Variants in ROBO2 observed in about 807,000 individuals in gnomAD.
The protein encoded by ROBO2 is roundabout guidance receptor 2.
A neutral mutation model predicts 160.8 loss-of-function variants in ROBO2; 53 were observed. The ratio of observed to expected loss-of-function variants is 0.33; its 90% confidence interval spans 0.26 to 0.41. The LOEUF is 0.41. Among genes scored for constraint, ROBO2 ranks in the 10% least tolerant of loss-of-function variants. The pLI, the probability that ROBO2 is intolerant of heterozygous loss-of-function variation, is 1.00. For missense variants in ROBO2, 1,577 were observed against 1,722.4 expected (o/e 0.92, Z 1.49); for synonymous variants, 664 against 611.7 (o/e 1.09, Z -1.26).
chr3:77,160,903 A>C (rs1008239039), intron 2 of ROBO2, among the ~76,000 whole-genome samples: 1 of 152,132 alleles, frequency 6.6e-6, no homozygotes, highest in African/African-American at 2.4e-5. Flanking sequence ...TTGCATTGTG[A>C]GTTTGTTCTC....
At chr3:77,171,315 G>A (rs1474820880) in intron 2 of ROBO2, among the ~76,000 whole-genome samples, 1 of 152,162 alleles carries the variant, frequency 6.6e-6, no homozygotes, top group East Asian at 1.9e-4. Context: ...ACAGGGCCAA[G>A]GCACATTAGC....
At chr3:76,319,618 ATCTCAATT>A (rs3040251) in intron 2 of ROBO2, among the ~76,000 whole-genome samples, 149,056 of 151,936 alleles carry the variant, frequency 0.98, 73,167 homozygotes, top group Middle Eastern at 1. Context: ...TCAAACCAAA[ATCTCAATT>A]TCTCAATTTA....
intron 2 of ROBO2, among the ~76,000 whole-genome samples, chr3:76,681,847 T>G (rs72888371): frequency 0.024 from 3,590 of 152,106 alleles, 142 homozygotes; most frequent in African/African-American, 0.076. Context: ...TACAAGGAGA[T>G]GTTAGAGAGA....
At chr3:76,414,154 CT>C (rs63043360) in intron 2 of ROBO2, among the ~76,000 whole-genome samples, 13,033 of 152,188 alleles carry the variant, frequency 0.086, 993 homozygotes, top group African/African-American at 0.21. Flanking sequence ...TTACCTCCCC[CT>C]GGTCCCTCTC....
intron 2 of ROBO2, among the ~76,000 whole-genome samples, chr3:76,223,460 TGA>T (rs1448093079): frequency 1.3e-5 from 2 of 151,950 alleles, no homozygotes; most frequent in East Asian, 3.9e-4. Flanking sequence ...CCACAACCAC[TGA>T]GAGTAGGGAG....
chr3:75,966,579 A>G (rs908187947), intron 2 of ROBO2, among the ~76,000 whole-genome samples: 34 of 151,766 alleles, frequency 2.2e-4, no homozygotes, highest in African/African-American at 8.0e-4. Context: ...ATATGGCATG[A>G]GTGACGTCAA....
intron 2 of ROBO2, among the ~76,000 whole-genome samples, chr3:76,615,880 G>A (rs1253689050): frequency 1.3e-5 from 2 of 152,224 alleles, no homozygotes; most frequent in Admixed American, 1.3e-4. Context: ...ATTTTGGGAT[G>A]AGGAGTCAGA....
chr3:76,931,733 G>A (rs1170476154), intron 2 of ROBO2, among the ~76,000 whole-genome samples: 1 of 151,972 alleles, frequency 6.6e-6, no homozygotes, highest in Admixed American at 6.6e-5. Context: ...TCAAGCTGGA[G>A]TGCAGTGGCA....
chr3:76,965,925 T>C (rs1046828397), intron 2 of ROBO2, among the ~76,000 whole-genome samples: 6 of 144,678 alleles, frequency 4.1e-5, no homozygotes, highest in African/African-American at 7.5e-5. Flanking sequence ...TATTTTCTTT[T>C]TTTTTTTTTT....
At chr3:76,940,172 C>A (rs572165857) in intron 2 of ROBO2, among the ~76,000 whole-genome samples, 1 of 151,892 alleles carries the variant, frequency 6.6e-6, no homozygotes, top group East Asian at 1.9e-4. Flanking sequence ...TTAGTAGAGA[C>A]GGGGTTTCAC....
At chr3:76,869,342 GTTTTTTTTT>G (rs34051755) in intron 2 of ROBO2, among the ~76,000 whole-genome samples, 1 of 71,356 alleles carries the variant, frequency 1.4e-5, no homozygotes, top group South Asian at 6.3e-4. Flanking sequence ...AGAAATTGAT[GTTTTTTTTT>G]TTTTTTTTTT....
In ROBO2 at chr3:77,024,361, C is replaced by T. The variant is rs114877855; in HGVS notation, c.110-73653C>T. Among the ~76,000 whole-genome samples, 948 of 152,174 alleles carry T rather than the reference C, an allele frequency of 6.2e-3. 8 individuals carry two copies. Among genetic ancestry groups the T allele is most frequent in the African/African-American group, 0.02 (826 of 41,516 alleles). ...CTGAATATTAGTTTCAATGCAGAAACGAGTCTAACACTGAGCTAACCTGTG... is the reference window on the plus strand; with the variant it reads ...CTGAATATTAGTTTCAATGCAGAAATGAGTCTAACACTGAGCTAACCTGTG... On this transcript the variant is annotated intron_variant, in intron 2 of 26. Coordinates refer to the ROBO2 transcript ENST00000487694.
chr3:76,903,215 T>G (rs1292358365), intron 2 of ROBO2, among the ~76,000 whole-genome samples: 1 of 152,172 alleles, frequency 6.6e-6, no homozygotes, highest in Non-Finnish European at 1.5e-5. Context: ...ACTTTTTGCA[T>G]CTTTATCAAA....
intron 6 of ROBO2, 23 bp downstream of exon 7, chr3:77,527,437 AC>A (rs1479450814): frequency 7.8e-7 from 1 of 1,284,688 alleles, no homozygotes; most frequent in Non-Finnish European, 1.0e-6. Context: ...CCTTCTATCC[AC>A]TAAGCATGGC....
chr3:76,224,107 A>G (rs1387986679), intron 2 of ROBO2, among the ~76,000 whole-genome samples: 1 of 152,194 alleles, frequency 6.6e-6, no homozygotes, highest in African/African-American at 2.4e-5. Flanking sequence ...CTCTTATTAC[A>G]TATCTACATA....
chr3:77,534,104 G>C (rs1455603838), intron 6 of ROBO2, among the ~76,000 whole-genome samples: 1 of 152,076 alleles, frequency 6.6e-6, no homozygotes, highest in Admixed American at 6.5e-5. Context: ...TGTCCAGTGT[G>C]CATCCTCAGC....
chr3:77,548,267 CT>C (rs2092780708), intron 7 of ROBO2, among the ~76,000 whole-genome samples: 1 of 151,984 alleles, frequency 6.6e-6, no homozygotes, highest in African/African-American at 2.4e-5. Context: ...TTTTCTTAAT[CT>C]AAAATACAGA....
intron 2 of ROBO2, among the ~76,000 whole-genome samples, chr3:76,585,088 C>A (rs1050848248): frequency 6.6e-6 from 1 of 152,166 alleles, no homozygotes; most frequent in Non-Finnish European, 1.5e-5. Context: ...CGCTAGCAAT[C>A]ATGTAGTGCC....
rs186181310 is a variant in ROBO2, at chr3:77,094,354, T to A, written c.62-3660T>A. On this transcript the variant is annotated intron_variant, in intron 1 of 25. Transcript: ENST00000461745. ...ATTTTTAAGGCTGAATAATATTCCATTATATGGATATGGCACATTTTATTT... is the reference window on the plus strand; with the variant it reads ...ATTTTTAAGGCTGAATAATATTCCAATATATGGATATGGCACATTTTATTT... 1.2e-3 allele frequency among the ~76,000 whole-genome samples: 188 copies of A among 152,366 alleles called. 1 individual carries two copies. Among genetic ancestry groups the A allele is most frequent in the Non-Finnish European group, 7.3e-4 (50 of 68,042 alleles).
Sources: allele counts gnomAD v4.1 joint callset (sites outside exome capture counted in the v4.1 genomes callset), GRCh38; gene constraint gnomAD v4.1.1; transcripts MANE v1.5; gene names NCBI Gene and HGNC (gene_info 2026-07-23, HGNC 2026-07-21).